Variants in ABI3BP observed in about 807,000 individuals in gnomAD.
ABI3BP encodes ABI family member 3 binding protein.
A neutral mutation model predicts 268.6 loss-of-function variants in ABI3BP; 216 were observed. The observed-to-expected ratio is 0.80, with a 90% CI of 0.72 to 0.90. The LOEUF is 0.90. Ranked by LOEUF, ABI3BP falls within the 40% of genes least tolerant of loss-of-function variation. ABI3BP has a pLI of 0.00. For missense variants in ABI3BP, 2,090 were observed against 2,182.4 expected (o/e 0.96, Z 0.84); for synonymous variants, 730 against 730.0 (o/e 1.00, Z 0.00).
chr3:100,975,083 A>G (rs1193025403), intron 1 of ABI3BP, among the ~76,000 whole-genome samples: 1 of 152,184 alleles, frequency 6.6e-6, no homozygotes, highest in Non-Finnish European at 1.5e-5. Flanking sequence ...TAGTTATTTT[A>G]ATATATTAAT....
chr3:100,988,452 C>T (rs1203336692), intron 1 of ABI3BP, among the ~76,000 whole-genome samples: 1 of 152,112 alleles, frequency 6.6e-6, no homozygotes, highest in African/African-American at 2.4e-5. Context: ...TGAGCTTTGG[C>T]CCCTGGGGTT....
At chr3:100,847,727 A>G (rs3806656) in intron 18 of ABI3BP, 54 bp from the exon 19 acceptor site, 165,204 of 1,433,132 alleles carry the variant, frequency 0.12, 10,771 homozygotes, top group African/African-American at 0.22. Context: ...ATAAAAAGAC[A>G]CCCTCTAAAG....
At chr3:100,761,932 T>G (rs751405043) in intron 63 of ABI3BP, among the ~76,000 whole-genome samples, 11 of 152,248 alleles carry the variant, frequency 7.2e-5, no homozygotes, top group Non-Finnish European at 1.5e-4. Flanking sequence ...GTAATAATTC[T>G]TTCAGAAGCT....
At chr3:100,849,906 G>T (rs1560796748) in intron 17 of ABI3BP, 139 bp downstream of exon 17, 2 of 680,034 alleles carry the variant, frequency 2.9e-6, no homozygotes, top group Non-Finnish European at 5.0e-6. Flanking sequence ...ATTCTTGGAA[G>T]AATTTCATGG....
In ABI3BP at chr3:100,825,857, G is replaced by T; in HGVS notation, c.2603-13C>A. ...TCTGTAACAGGAACTGAAGTAATAA[G>T]ATAAACAAAAGAGATGGTAAAAAAT... On this transcript the variant is annotated splice_polypyrimidine_tract_variant and intron_variant, in intron 34 of 67. Transcript: ENST00000471714. The T allele has an allele frequency of 6.5e-7, 1 of 1,527,570 alleles. No homozygotes were observed. The highest frequency in any genetic ancestry group is 8.8e-7 in the Non-Finnish European group (1 of 1,139,266). 94.6% of individuals were successfully genotyped at this position (1,527,570 alleles called of 1,614,324 possible).
intron 1 of ABI3BP, among the ~76,000 whole-genome samples, chr3:100,937,795 G>A (rs115920108): frequency 0.012 from 1,875 of 152,124 alleles, 16 homozygotes; most frequent in Non-Finnish European, 0.019. Context: ...AGTAGAAAAC[G>A]TTCCAATGCC....
In ABI3BP at chr3:100,778,325, G is replaced by T. The variant is rs777036897; in HGVS notation, c.4292C>A (p.Pro1431His). Residue 1431 changes from proline (P) to histidine (H), a missense_variant, in exon 59 of 68, where the codon CCT becomes CAT. Physicochemically the swap from Pro to His is moderately conservative, Grantham distance 77 (BLOSUM62 -2). Transcript: ENST00000471714. Reference sequence around the variant, plus strand: ...TCCAGTGACATTATTTGGTGGTAAAGGTTTTCTTCGTGGGTGTGTAGGTCT... The same window carrying T: ...TCCAGTGACATTATTTGGTGGTAAATGTTTTCTTCGTGGGTGTGTAGGTCT... Reference protein sequence around the residue: ...PPRPTHPRRKPLPPNNVTGKP... With the variant: ...PPRPTHPRRKHLPPNNVTGKP... 1.2e-6 allele frequency: 2 copies of T among 1,613,850 alleles called. No homozygotes were observed. Among genetic ancestry groups the T allele is most frequent in the South Asian group, 2.2e-5 (2 of 91,056 alleles).
At chr3:100,945,190 C>T (rs2071519780) in intron 1 of ABI3BP, among the ~76,000 whole-genome samples, 1 of 152,022 alleles carries the variant, frequency 6.6e-6, no homozygotes, top group East Asian at 1.9e-4. Flanking sequence ...TAAGGAAACA[C>T]TAATAATTTC....
chr3:100,914,550 CG>C (rs2153576928), intron 2 of ABI3BP: 1 of 400,280 alleles, frequency 2.5e-6, no homozygotes, highest in African/African-American at 2.1e-5. Context: ...CATGTTGGTG[CG>C]GATGTCACAA....
At chr3:100,814,012 TAA>T (rs1382995610) in intron 44 of ABI3BP, among the ~76,000 whole-genome samples, 1 of 152,102 alleles carries the variant, frequency 6.6e-6, no homozygotes, top group Non-Finnish European at 1.5e-5. Flanking sequence ...GAAATTCAAA[TAA>T]AGTTTTATTG....
At chr3:100,901,875 A>C (rs2050588559) in intron 3 of ABI3BP, among the ~76,000 whole-genome samples, 1 of 152,220 alleles carries the variant, frequency 6.6e-6, no homozygotes, top group Non-Finnish European at 1.5e-5. Flanking sequence ...TCCTTATAGC[A>C]ATGGTCAGCT....
chr3:100,911,897 A>T, intron 2 of ABI3BP: 1 of 1,483,504 alleles, frequency 6.7e-7, no homozygotes, highest in Non-Finnish European at 9.4e-7. Context: ...ATTTGTACCA[A>T]CCTATCACAT....
At chr3:100,752,734 C>CA (rs993173451) in intron 66 of ABI3BP, 53 bp downstream of exon 66, 1 of 1,584,188 alleles carries the variant, frequency 6.3e-7, no homozygotes, top group Non-Finnish European at 8.6e-7. Flanking sequence ...TACAATGCTG[C>CA]AAAACATTCC....
At position 100,979,148 on chromosome 3, in the gene ABI3BP, T is replaced by C. The variant is rs542435722; in HGVS notation, c.79+14158A>G. ...TGAGTTTATCCAGCCCTCTAAGAGATGATGATGCTTGCTAAGCTAGAGGAC... is the reference window on the plus strand; with the variant it reads ...TGAGTTTATCCAGCCCTCTAAGAGACGATGATGCTTGCTAAGCTAGAGGAC... On this transcript the variant is annotated intron_variant, in intron 1 of 67. Coordinates refer to ENST00000471714, the MANE Select transcript of ABI3BP (RefSeq NM_001375547.2). Among the ~76,000 whole-genome samples the C allele has an allele frequency of 3.3e-5, 5 of 152,324 alleles. No individual in the cohort carries two copies. The South Asian group carries it at 8.3e-4, about 25-fold the overall frequency.
intron 9 of ABI3BP, among the ~76,000 whole-genome samples, chr3:100,868,480 AT>A (rs2099076264): frequency 6.6e-6 from 1 of 152,172 alleles, no homozygotes; most frequent in Non-Finnish European, 1.5e-5. Flanking sequence ...AGTTCACTTT[AT>A]TTTTGTAAAG....
At chr3:100,875,633 A>G (rs1486787976) in intron 7 of ABI3BP, 54 bp from the exon 8 acceptor site, 66 of 1,306,402 alleles carry the variant, frequency 5.1e-5, no homozygotes, top group Non-Finnish European at 7.0e-5. Context: ...AGGCAGTAAG[A>G]AGCTAATAAT....
intron 1 of ABI3BP, among the ~76,000 whole-genome samples, chr3:100,974,877 C>T (rs1179155340): frequency 6.6e-6 from 1 of 152,130 alleles, no homozygotes. Context: ...TAGAATGTGA[C>T]ATGGAATAAC....
intron 10 of ABI3BP, 51 bp from the exon 11 acceptor site, chr3:100,864,958 A>G: frequency 1.4e-6 from 2 of 1,390,386 alleles, no homozygotes; most frequent in East Asian, 2.4e-5. Context: ...TGAAGCAACC[A>G]AAGACCAGGA....
At position 100,848,842 on chromosome 3, in the gene ABI3BP, G is replaced by C; in HGVS notation, c.1535C>G (p.Pro512Arg). 4 of 1,613,286 alleles carry C rather than the reference G, an allele frequency of 2.5e-6. No individual in the cohort carries two copies. The highest frequency in any genetic ancestry group is 2.5e-6 in the Non-Finnish European group (3 of 1,179,356). ...PQQTTSIPSTPKRRPRPKPPR... is the reference protein window; with the variant it reads ...PQQTTSIPSTRKRRPRPKPPR... ...CGGTTTGGGCCGGGGGCGTCGTTTA[G>C]GTGTAGAAGGGATAGATGTAGTTTG... Residue 512 changes from proline to arginine, a missense_variant, in exon 18 of 68, where the codon CCT becomes CGT. Physicochemically the swap from Pro to Arg is moderately radical, Grantham distance 103. Transcript: ENST00000471714.
Sources: allele counts gnomAD v4.1 joint callset (sites outside exome capture counted in the v4.1 genomes callset), GRCh38; gene constraint gnomAD v4.1.1; transcripts MANE v1.5; gene names NCBI Gene and HGNC (gene_info 2026-07-23, HGNC 2026-07-21).